SDHB: variants seen among roughly 807,000 people sequenced by gnomAD.
SDHB encodes the protein succinate dehydrogenase [ubiquinone] iron-sulfur subunit, mitochondrial.
In SDHB, 21 loss-of-function variants were observed where a neutral mutation model predicts 39.7. The ratio of observed to expected loss-of-function variants is 0.53; its 90% CI spans 0.37 to 0.76. The LOEUF is 0.76. Ranked by LOEUF, SDHB falls within the 30% of genes least tolerant of loss-of-function variation. The pLI is 0.00. For missense variants in SDHB, 343 were observed against 350.9 expected (o/e 0.98, Z 0.18); for synonymous variants, 118 against 117.0 (o/e 1.01, Z -0.06).
At chr1:17,052,414 T>C (rs1297122570) in intron 1 of SDHB, 1 of 152,186 alleles carries the variant, frequency 6.6e-6, no homozygotes, top group Non-Finnish European at 1.5e-5. Context: ...AGGGGAGGCC[T>C]TGGGGCTCTT....
intron 3 of SDHB, among the ~76,000 whole-genome samples, chr1:17,029,093 G>GTTTT (rs746243819): frequency 0.12 from 8,562 of 71,874 alleles, 1,117 homozygotes; most frequent in East Asian, 0.35. Context: ...AAATCAGCCT[G>GTTTT]TTTTTTTTTT....
At chr1:17,020,333 G>A (rs1002530145) in intron 7 of SDHB, among the ~76,000 whole-genome samples, 27 of 152,208 alleles carry the variant, frequency 1.8e-4, no homozygotes, top group African/African-American at 4.8e-4. Context: ...GATCTGGGGC[G>A]AGTCACTCCC....
intron 2 of SDHB, among the ~76,000 whole-genome samples, chr1:17,036,801 T>G (rs1255861616): frequency 6.8e-6 from 1 of 146,830 alleles, no homozygotes; most frequent in East Asian, 2.0e-4. Flanking sequence ...TATAAATATA[T>G]ATGTATACAC....
At chr1:17,034,539 C>A (rs2078041355) in intron 2 of SDHB, among the ~76,000 whole-genome samples, 1 of 151,344 alleles carries the variant, frequency 6.6e-6, no homozygotes, top group Admixed American at 6.6e-5. Context: ...TGCCACCACA[C>A]CCGGCAAATT....
At chr1:17,031,775 G>C (rs1303426936) in intron 3 of SDHB, among the ~76,000 whole-genome samples, 1 of 152,018 alleles carries the variant, frequency 6.6e-6, no homozygotes, top group East Asian at 1.9e-4. Flanking sequence ...TGTCCTCACA[G>C]AATCAAGCTA....
intron 6 of SDHB, 92 bp from the exon 7 acceptor site, chr1:17,022,822 G>A: frequency 6.7e-7 from 1 of 1,496,820 alleles, no homozygotes; most frequent in Non-Finnish European, 9.1e-7. Context: ...GCAGAGGAAA[G>A]GGAATTCACT....
chr1:17,026,449 C>T (rs1299162225), intron 5 of SDHB, among the ~76,000 whole-genome samples: 2 of 152,168 alleles, frequency 1.3e-5, no homozygotes, highest in Non-Finnish European at 2.9e-5. Context: ...ACTGAAACCT[C>T]CACCTCCCGG....
intron 3 of SDHB, 119 bp from the exon 4 acceptor site, chr1:17,028,855 CCT>C (rs1477979437): frequency 5.0e-6 from 6 of 1,200,352 alleles, no homozygotes; most frequent in Admixed American, 3.4e-5. Context: ...ATGCAACATT[CCT>C]CTGACAGAGG....
At chr1:17,041,706 G>T (rs1332824866) in intron 2 of SDHB, among the ~76,000 whole-genome samples, 1 of 152,098 alleles carries the variant, frequency 6.6e-6, no homozygotes, top group Non-Finnish European at 1.5e-5. Context: ...TTAATATGCT[G>T]TAGAGAATCT....
intron 5 of SDHB, among the ~76,000 whole-genome samples, chr1:17,024,744 C>T (rs2077982811): frequency 6.6e-6 from 1 of 152,216 alleles, no homozygotes. Flanking sequence ...CCTGCACTTT[C>T]ACACCTGCCA....
chr1:17,033,798 G>A (rs2078035282), intron 2 of SDHB, among the ~76,000 whole-genome samples: 1 of 152,210 alleles, frequency 6.6e-6, no homozygotes, highest in African/African-American at 2.4e-5. Context: ...AGCAGCACCT[G>A]CATCCCACAG....
chr1:17,021,448 A>C (rs576106454), intron 7 of SDHB, among the ~76,000 whole-genome samples: 132 of 152,146 alleles, frequency 8.7e-4, no homozygotes, highest in South Asian at 1.7e-3. Context: ...TCTTTTAAAA[A>C]AAACAGATGA....
At position 17,044,843 on chromosome 1, in the gene SDHB, T is replaced by C; in HGVS notation, c.118A>G (p.Lys40Glu). Residue 40 changes from lysine to glutamate, a missense_variant, in exon 2 of 8, where the codon AAG becomes GAG. Physicochemically the swap from Lys to Glu is moderately conservative, Grantham distance 56. Transcript: ENST00000375499. ...TCCCATCGATAGATGGCAAATTTCT[T>C]GATACGGGGAGCTGTGGCTGCAGCT... ...QTAAATAPRIKKFAIYRWDPD... is the reference protein window; with the variant it reads ...QTAAATAPRIEKFAIYRWDPD... The C allele has an allele frequency of 6.2e-7, 1 of 1,614,126 alleles. No individual in the cohort carries two copies. Among genetic ancestry groups the C allele is most frequent in the Non-Finnish European group, 8.5e-7 (1 of 1,180,018 alleles).
In SDHB at chr1:17,033,083, G is replaced by C. The variant is rs915794675; in HGVS notation, c.263C>G (p.Thr88Ser). The C allele has an allele frequency of 1.2e-6, 2 of 1,613,690 alleles. No individual in the cohort carries two copies. The highest frequency in any genetic ancestry group is 1.7e-6 in the Non-Finnish European group (2 of 1,179,598). The change falls in exon 3 of 8, where the codon ACC becomes AGC. Residue 88 changes from threonine to serine, a missense_variant. Transcript: ENST00000375499. ...KIKNEVDSTL[T>S]FRRSCREGIC... is the part of the protein sequence containing the mutation. ...ACCTTCTCTGCATGATCTTCGGAAG[G>C]TCAAAGTAGAGTCAACTTCATTCTT...
At chr1:17,019,949 C>A (rs2077951755) in intron 7 of SDHB, among the ~76,000 whole-genome samples, 1 of 152,084 alleles carries the variant, frequency 6.6e-6, no homozygotes, top group Non-Finnish European at 1.5e-5. Flanking sequence ...GTTGTCCAGG[C>A]TGGTCAAAAA....
intron 5 of SDHB, among the ~76,000 whole-genome samples, chr1:17,024,972 C>G (rs983079021): frequency 1.3e-5 from 2 of 152,130 alleles, no homozygotes. Context: ...TGTCAACTGG[C>G]CCCACTGGTC....
chr1:17,028,564 A>T (rs2101522845), intron 4 of SDHB, 36 bp downstream of exon 4: 1 of 1,612,560 alleles, frequency 6.2e-7, no homozygotes, highest in South Asian at 1.1e-5. Flanking sequence ...CCCCCCATGC[A>T]AATAAAAACA....
rs573138100 is a variant in SDHB, at chr1:17,027,462, C to T, written c.540+287G>A. ...TAGTGGTCACTTTTTAAAGCCCAGGCAATTTACATACTGGTTTCTTTTGAA... is the reference window on the plus strand; with the variant it reads ...TAGTGGTCACTTTTTAAAGCCCAGGTAATTTACATACTGGTTTCTTTTGAA... On this transcript the variant is annotated intron_variant, in intron 5 of 7. Coordinates refer to ENST00000375499, the MANE Select transcript of SDHB (RefSeq NM_003000.3). Among the ~76,000 whole-genome samples, 42 of 152,342 alleles carry T rather than the reference C, an allele frequency of 2.8e-4. 1 individual carries two copies. The highest frequency in any genetic ancestry group is 8.9e-4 in the African/African-American group (37 of 41,582).
chr1:17,053,780 T>C (rs1261572854), intron 1 of SDHB, among the ~76,000 whole-genome samples, 168 bp downstream of exon 1: 1 of 146,794 alleles, frequency 6.8e-6, no homozygotes, highest in Non-Finnish European at 1.5e-5. Flanking sequence ...GAAAGATAAC[T>C]TGACAGGGAT....
Sources: gnomAD v4.1 joint callset for allele counts (sites outside exome capture counted in the v4.1 genomes callset) on GRCh38, gnomAD v4.1.1 for gene constraint, MANE v1.5 for transcripts, NCBI Gene and HGNC (gene_info 2026-07-23, HGNC 2026-07-21) for gene names.